Variants in PLCXD3 observed in about 807,000 individuals in gnomAD.
PLCXD3 encodes PI-PLC X domain-containing protein 3.
A neutral mutation model predicts 25.5 loss-of-function variants in PLCXD3; 19 were observed. The observed-to-expected ratio is 0.75, with a 90% CI of 0.52 to 1.09. The LOEUF (loss-of-function observed/expected upper bound fraction) is 1.09, where lower values mean the gene tolerates loss of function less well. Among genes scored for constraint, PLCXD3 ranks in the 50% least tolerant of loss-of-function variants. The pLI is 0.00. For synonymous variants in PLCXD3, 174 were observed against 137.6 expected (o/e 1.26, Z -1.85); for missense variants, 411 against 388.1 (o/e 1.06, Z -0.50).
At position 41,364,840 on chromosome 5, in the gene PLCXD3, G is replaced by A. The variant is rs553778953; in HGVS notation, c.812+16986C>T. Among the ~76,000 whole-genome samples the A allele has an allele frequency of 3.9e-5, 6 of 152,298 alleles. No individual in the cohort carries two copies. In the South Asian group the frequency reaches 6.2e-4, roughly 16 times the overall value. On this transcript the variant is annotated intron_variant, in intron 2 of 2. Coordinates refer to ENST00000377801, the MANE Select transcript of PLCXD3 (RefSeq NM_001005473.3). ...GGAGGGAATCTACTTCATTTGATGTGTACTTTTGATAATCAAGGAATGTAT... is the reference window on the plus strand; with the variant it reads ...GGAGGGAATCTACTTCATTTGATGTATACTTTTGATAATCAAGGAATGTAT...
chr5:41,486,578 A>T (rs1405274502), intron 1 of PLCXD3, among the ~76,000 whole-genome samples: 4 of 152,172 alleles, frequency 2.6e-5, no homozygotes, highest in African/African-American at 9.7e-5. Flanking sequence ...TGAGCCTCAA[A>T]TGGAAAGACA....
At chr5:41,510,224 G>A (rs1161671886) in intron 1 of PLCXD3, among the ~76,000 whole-genome samples, 200 bp downstream of exon 1, 2 of 152,140 alleles carry the variant, frequency 1.3e-5, no homozygotes, top group African/African-American at 2.4e-5. Context: ...TGACTCTAGC[G>A]CCTCGGTCCT....
At chr5:41,504,396 A>G (rs1449471727) in intron 1 of PLCXD3, among the ~76,000 whole-genome samples, 2 of 152,198 alleles carry the variant, frequency 1.3e-5, no homozygotes, top group Non-Finnish European at 2.9e-5. Flanking sequence ...ATAAAATCAT[A>G]CCTTAGTCCC....
intron 1 of PLCXD3, among the ~76,000 whole-genome samples, chr5:41,494,618 T>A (rs1409054372): frequency 6.6e-6 from 1 of 152,158 alleles, no homozygotes. Flanking sequence ...ATAGCACTAT[T>A]TGGGTCATGT....
At chr5:41,361,089 G>C (rs574093732) in intron 2 of PLCXD3, among the ~76,000 whole-genome samples, 1 of 152,180 alleles carries the variant, frequency 6.6e-6, no homozygotes, top group South Asian at 2.1e-4. Context: ...GGCTGCTGTG[G>C]GGGATGGGGG....
At chr5:41,505,866 G>A (rs993275019) in intron 1 of PLCXD3, among the ~76,000 whole-genome samples, 3 of 152,222 alleles carry the variant, frequency 2.0e-5, no homozygotes, top group South Asian at 2.1e-4. Flanking sequence ...CAAATATGGT[G>A]TTCTGGCTTT....
At chr5:41,330,802 A>G (rs1192266024) in intron 2 of PLCXD3, among the ~76,000 whole-genome samples, 2 of 152,200 alleles carry the variant, frequency 1.3e-5, no homozygotes, top group African/African-American at 4.8e-5. Flanking sequence ...TATGCAAATC[A>G]ATAAATGTAA....
chr5:41,313,881 G>A (rs1017587869), intron 2 of PLCXD3, 111 bp from the exon 3 acceptor site: 72 of 1,293,742 alleles, frequency 5.6e-5, no homozygotes, highest in African/African-American at 4.8e-4. Flanking sequence ...AATGTTTCAC[G>A]TATAGGTACA....
chr5:41,438,775 A>C (rs1395864313), intron 1 of PLCXD3, among the ~76,000 whole-genome samples: 3 of 150,600 alleles, frequency 2.0e-5, no homozygotes, highest in Admixed American at 6.7e-5. Flanking sequence ...TTTGGAGCTT[A>C]TTATTTAGTC....
chr5:41,396,245 C>G (rs1295091141), intron 1 of PLCXD3, among the ~76,000 whole-genome samples: 1 of 151,986 alleles, frequency 6.6e-6, no homozygotes, highest in East Asian at 1.9e-4. Context: ...GGTAGATTTC[C>G]CCCTTGCTGT....
chr5:41,373,258 CT>C (rs1745181296), intron 2 of PLCXD3, among the ~76,000 whole-genome samples: 2 of 152,124 alleles, frequency 1.3e-5, no homozygotes, highest in South Asian at 4.1e-4. Context: ...AAATCGTAGA[CT>C]GGTTCTGGTC....
chr5:41,308,573 G>A lies in PLCXD3; in HGVS notation c.*5044C>T, dbSNP rs1580288211. 1 of 151,996 alleles carries A rather than the reference G, an allele frequency of 6.6e-6. No homozygotes were observed. Among genetic ancestry groups the A allele is most frequent in the East Asian group, 1.9e-4 (1 of 5,182 alleles). 9.4% of individuals were successfully genotyped at this position (151,996 alleles called of 1,614,324 possible). Reference sequence around the variant, plus strand: ...ATTGCTAGACTAATTCTACACGTGGGGCAGACCAGAAAAGTGTGTGGGTTG... The same window carrying A: ...ATTGCTAGACTAATTCTACACGTGGAGCAGACCAGAAAAGTGTGTGGGTTG... On this transcript the variant is annotated 3_prime_UTR_variant, in exon 3 of 3. Coordinates refer to ENST00000377801, the MANE Select transcript of PLCXD3 (RefSeq NM_001005473.3).
intron 1 of PLCXD3, among the ~76,000 whole-genome samples, chr5:41,484,142 A>G (rs989342047): frequency 1.3e-5 from 2 of 152,080 alleles, no homozygotes; most frequent in African/African-American, 4.8e-5. Flanking sequence ...TTAGGGGTAT[A>G]GGGGGCCGCA....
chr5:41,482,333 C>G (rs1748431032), intron 1 of PLCXD3, among the ~76,000 whole-genome samples: 1 of 152,126 alleles, frequency 6.6e-6, no homozygotes, highest in Non-Finnish European at 1.5e-5. Flanking sequence ...CCGACCCTAT[C>G]CATGAAGAGA....
At chr5:41,465,324 C>T (rs1476300834) in intron 1 of PLCXD3, among the ~76,000 whole-genome samples, 1 of 117,902 alleles carries the variant, frequency 8.5e-6, no homozygotes, top group Non-Finnish European at 1.7e-5. Context: ...CTCTAATCTT[C>T]AGTTCCTACT....
intron 1 of PLCXD3, among the ~76,000 whole-genome samples, chr5:41,410,975 A>G (rs1746502716): frequency 6.6e-6 from 1 of 152,102 alleles, no homozygotes; most frequent in South Asian, 2.1e-4. Flanking sequence ...ATATGTAACC[A>G]CAGGAGCAGC....
intron 1 of PLCXD3, among the ~76,000 whole-genome samples, chr5:41,405,782 TG>T (rs1746332564): frequency 6.6e-6 from 1 of 152,100 alleles, no homozygotes; most frequent in East Asian, 1.9e-4. Flanking sequence ...TGTTTTGTTT[TG>T]TTTTGTTTTG....
chr5:41,417,998 T>A (rs1746732499), intron 1 of PLCXD3, among the ~76,000 whole-genome samples: 1 of 152,244 alleles, frequency 6.6e-6, no homozygotes, highest in African/African-American at 2.4e-5. Context: ...AATTCAAATG[T>A]CATATTAAGT....
chr5:41,373,391 G>T (rs911052532), intron 2 of PLCXD3, among the ~76,000 whole-genome samples: 6 of 152,106 alleles, frequency 3.9e-5, no homozygotes, highest in Non-Finnish European at 7.4e-5. Flanking sequence ...TGGGACTTAT[G>T]AAATGTGCAT....
Sources: allele counts gnomAD v4.1 joint callset (sites outside exome capture counted in the v4.1 genomes callset), GRCh38; gene constraint gnomAD v4.1.1; transcripts MANE v1.5; gene names NCBI Gene and HGNC (gene_info 2026-07-23, HGNC 2026-07-21).